The following SNTN variants were observed in gnomAD, a reference collection of about 807,000 sequenced individuals.
SNTN encodes sentan.
Under a neutral mutation model 12.3 loss-of-function variants are expected in SNTN, and 13 were observed. The ratio of observed to expected loss-of-function variants is 1.05; its 90% CI spans 0.69 to 1.67. The LOEUF (loss-of-function observed/expected upper bound fraction) is 1.67, where lower values mean the gene tolerates loss of function less well. SNTN is among the 40% of genes most tolerant of loss of function. SNTN has a pLI of 0.00. For missense variants in SNTN, 189 were observed against 169.8 expected, an observed-to-expected ratio of 1.11 and a Z score of -0.63; for synonymous variants, 69 against 58.5, an observed-to-expected ratio of 1.18 and a Z score of -0.82.
rs1320628436 is a variant in SNTN at position 63,664,979 on chromosome 3, C to A, written c.*884C>A. Among the ~76,000 whole-genome samples, 3 of 152,074 alleles carry A rather than the reference C, an allele frequency of 2.0e-5. No homozygotes were observed. The highest frequency in any genetic ancestry group is 1.9e-4 in the East Asian group (1 of 5,162). Reference sequence around the variant, plus strand: ...CCATGTCGGCCAGGCTGGTCTCGAACTCCTGACCTCAGGTGATCCGCCCAC... The same window carrying A: ...CCATGTCGGCCAGGCTGGTCTCGAAATCCTGACCTCAGGTGATCCGCCCAC... On this transcript the variant is annotated 3_prime_UTR_variant, in exon 4 of 4. Coordinates refer to ENST00000343837, the MANE Select transcript of SNTN (RefSeq NM_001080537.2).
intron 2 of SNTN, among the ~76,000 whole-genome samples, chr3:63,658,411 T>TAC (rs67482719): frequency 0.13 from 18,690 of 146,990 alleles, 1,532 homozygotes; most frequent in South Asian, 0.21. Flanking sequence ...AATATATATA[T>TAC]ATATATATAT....
chr3:63,658,401 A>AAT (rs58847521), intron 2 of SNTN, among the ~76,000 whole-genome samples: 12,884 of 122,908 alleles, frequency 0.1, 635 homozygotes, highest in Middle Eastern at 0.18. Context: ...ACAAGTTGTA[A>AAT]ATATATATAT....
intron 1 of SNTN, 85 bp downstream of exon 1, chr3:63,652,882 A>G (rs1489008981): frequency 7.6e-6 from 10 of 1,318,738 alleles, no homozygotes; most frequent in Non-Finnish European, 1.1e-5. Flanking sequence ...CAGCTTTATA[A>G]GCCAAGTTAT....
intron 2 of SNTN, among the ~76,000 whole-genome samples, chr3:63,657,582 T>C (rs1184655052): frequency 6.6e-6 from 1 of 152,194 alleles, no homozygotes; most frequent in East Asian, 1.9e-4. Flanking sequence ...GTTTTTACCA[T>C]GGCCATATGC....
At position 63,656,036 on chromosome 3, in the gene SNTN, C is replaced by T. The variant is rs577019745; in HGVS notation, c.145+1240C>T. ...TAGTTTTTAGTTCTGATATATACTACCTATGTGAGCTTGAGCAAACAACTT... is the reference window on the plus strand; with the variant it reads ...TAGTTTTTAGTTCTGATATATACTATCTATGTGAGCTTGAGCAAACAACTT... On this transcript the variant is annotated intron_variant, in intron 2 of 3. Transcript: ENST00000343837. Among the ~76,000 whole-genome samples the T allele has an allele frequency of 2.0e-5, 3 of 152,284 alleles. No homozygotes were observed. In the East Asian group the frequency reaches 5.8e-4, roughly 29 times the overall value.
intron 1 of SNTN, 28 bp downstream of exon 1, chr3:63,652,825 G>C (rs1325855233): frequency 6.3e-7 from 1 of 1,590,064 alleles, no homozygotes; most frequent in Non-Finnish European, 8.6e-7. Context: ...GTCTTTTATT[G>C]AGTTTCATTT....
chr3:63,662,433 G>A (rs938432187), intron 3 of SNTN, among the ~76,000 whole-genome samples: 7 of 152,140 alleles, frequency 4.6e-5, no homozygotes, highest in Non-Finnish European at 1.0e-4. Context: ...GCACCTAAAG[G>A]CACTACTGGG....
intron 1 of SNTN, among the ~76,000 whole-genome samples, 192 bp downstream of exon 1, chr3:63,652,989 G>C (rs1700636783): frequency 6.6e-6 from 1 of 152,186 alleles, no homozygotes; most frequent in South Asian, 2.1e-4. Context: ...AAAGTGAAAA[G>C]ATGGTGCAAT....
intron 2 of SNTN, among the ~76,000 whole-genome samples, chr3:63,658,585 A>G (rs1700708512): frequency 6.6e-6 from 1 of 151,772 alleles, no homozygotes; most frequent in Non-Finnish European, 1.5e-5. Context: ...AAAAAAAAAT[A>G]GGGACAAGGG....
At chr3:63,656,818 C>T (rs558010355) in intron 2 of SNTN, among the ~76,000 whole-genome samples, 1 of 152,162 alleles carries the variant, frequency 6.6e-6, no homozygotes, top group Non-Finnish European at 1.5e-5. Flanking sequence ...CTGCAAAATA[C>T]ACTGCCTGAA....
At chr3:63,654,938 C>A in intron 2 of SNTN, 142 bp downstream of exon 2, 2 of 747,904 alleles carry the variant, frequency 2.7e-6, no homozygotes, top group Middle Eastern at 2.4e-4. Context: ...TCATGATGTT[C>A]TTTTTAAAGA....
chr3:63,653,455 A>T (rs1233934220), intron 1 of SNTN, among the ~76,000 whole-genome samples: 1 of 152,184 alleles, frequency 6.6e-6, no homozygotes, highest in South Asian at 2.1e-4. Flanking sequence ...CACCAAGAAG[A>T]CCACGAAGGG....
chr3:63,656,140 C>A (rs1700677498), intron 2 of SNTN, among the ~76,000 whole-genome samples: 1 of 152,194 alleles, frequency 6.6e-6, no homozygotes, highest in African/African-American at 2.4e-5. Context: ...TTCTTTCATT[C>A]TTCTGTATTG....
chr3:63,655,749 A>G (rs929800797), intron 2 of SNTN, among the ~76,000 whole-genome samples: 2 of 152,154 alleles, frequency 1.3e-5, no homozygotes, highest in African/African-American at 4.8e-5. Flanking sequence ...AACATGATTC[A>G]TCTCCCCAGA....
chr3:63,655,697 T>G (rs1435466846), intron 2 of SNTN, among the ~76,000 whole-genome samples: 1 of 151,884 alleles, frequency 6.6e-6, no homozygotes, highest in Non-Finnish European at 1.5e-5. Context: ...ATCGGACCAC[T>G]GAACCACATT....
intron 1 of SNTN, among the ~76,000 whole-genome samples, chr3:63,653,728 A>G (rs1026897645): frequency 6.6e-6 from 1 of 152,222 alleles, no homozygotes; most frequent in African/African-American, 2.4e-5. Flanking sequence ...TCCTGCCTCC[A>G]ATTTGGCCCC....
chr3:63,658,489 A>G (rs13101201), intron 2 of SNTN, among the ~76,000 whole-genome samples: 4 of 151,206 alleles, frequency 2.6e-5, no homozygotes, highest in Non-Finnish European at 5.9e-5. Context: ...ATGTGTATAC[A>G]TATACATACT....
rs565426250 is a variant in SNTN at position 63,664,923 on chromosome 3, T to G, written c.*828T>G. On this transcript the variant is annotated 3_prime_UTR_variant, in exon 4 of 4. Coordinates refer to ENST00000343837, the MANE Select transcript of SNTN (RefSeq NM_001080537.2). ...GTGTGCCACGATGCCAGGCTAATTT[T>G]TTTTGTATTTTTAGTGGAGACGGGG... Among the ~76,000 whole-genome samples the G allele has an allele frequency of 3.9e-5, 6 of 152,170 alleles. No individual in the cohort carries two copies. The highest frequency in any genetic ancestry group is 2.1e-4 in the South Asian group (1 of 4,822).
chr3:63,659,647 T>C (rs1559561058), intron 2 of SNTN, 78 bp from the exon 3 acceptor site: 9 of 1,559,504 alleles, frequency 5.8e-6, no homozygotes, highest in Non-Finnish European at 7.0e-6. Context: ...TACAGTTCCC[T>C]TGGAAGACAC....
Sources: gnomAD v4.1 joint callset for allele counts (sites outside exome capture counted in the v4.1 genomes callset) on GRCh38, gnomAD v4.1.1 for gene constraint, MANE v1.5 for transcripts, NCBI Gene and HGNC (gene_info 2026-07-23, HGNC 2026-07-21) for gene names.